Variants in PALM2AKAP2 observed in about 807,000 individuals in gnomAD.
PALM2AKAP2 encodes the protein PALM2 and AKAP2 fusion.
PALM2AKAP2 carries 37 observed loss-of-function variants against 71.5 expected under a neutral mutation model. The ratio of observed to expected loss-of-function variants is 0.52; its 90% confidence interval spans 0.40 to 0.68. The LOEUF (loss-of-function observed/expected upper bound fraction) is 0.68, where lower values mean the gene tolerates loss of function less well. Among genes scored for constraint, PALM2AKAP2 ranks in the 30% least tolerant of loss-of-function variants. The probability of loss-of-function intolerance (pLI) is 0.00; values close to 1 mark genes in which losing one functional copy is unlikely to be tolerated. For missense variants in PALM2AKAP2, 1,224 were observed against 1,191.8 expected (o/e 1.03, Z -0.40); for synonymous variants, 468 against 478.8 (o/e 0.98, Z 0.29).
chr9:110,024,816 G>A (rs1833145529), intron 7 of PALM2AKAP2: 2 of 671,244 alleles, frequency 3.0e-6, no homozygotes, highest in African/African-American at 1.9e-5. Flanking sequence ...CCAGTGTCTT[G>A]GGTTTTTTGT....
chr9:110,156,385 T>A lies in PALM2AKAP2; in HGVS notation c.2636T>A (p.Leu879Ter). ...GAAGGCCCCAGCTTGCAGCCTGACTTAGCCCCTGAAGAGGCTGCCGGAACC... is the reference window on the plus strand; with the variant it reads ...GAAGGCCCCAGCTTGCAGCCTGACTAAGCCCCTGAAGAGGCTGCCGGAACC... Residue 879 changes from leucine to a stop codon, truncating the protein, a stop_gained, in exon 3 of 4, where the codon TTA becomes TAA. Coordinates refer to ENST00000374525, the Ensembl canonical transcript of PALM2AKAP2. LOFTEE classifies it high-confidence loss of function. 6.2e-7 allele frequency: 1 copy of A among 1,612,344 alleles called. No individual in the cohort carries two copies. The highest frequency in any genetic ancestry group is 8.5e-7 in the Non-Finnish European group (1 of 1,179,136).
intron 6 of PALM2AKAP2, among the ~76,000 whole-genome samples, chr9:109,998,783 G>C (rs7020126): frequency 7.1e-6 from 1 of 141,384 alleles, no homozygotes; most frequent in African/African-American, 2.8e-5. Flanking sequence ...AAAAAAAAAA[G>C]GGGGGATAGT....
intron 7 of PALM2AKAP2, among the ~76,000 whole-genome samples, chr9:110,037,529 A>C (rs577244123): frequency 6.6e-6 from 1 of 152,326 alleles, no homozygotes; most frequent in South Asian, 2.1e-4. Context: ...TTTAATGAGC[A>C]CCTACTCTAT....
chr9:110,144,636 T>C (rs984070575), intron 2 of PALM2AKAP2, among the ~76,000 whole-genome samples: 5 of 152,206 alleles, frequency 3.3e-5, no homozygotes, highest in African/African-American at 1.2e-4. Flanking sequence ...TTAACACAAC[T>C]GGCAGGTTCT....
At chr9:109,945,630 C>T (rs73657312) in intron 6 of PALM2AKAP2, 1 of 152,294 alleles carries the variant, frequency 6.6e-6, no homozygotes, top group African/African-American at 2.4e-5. Flanking sequence ...GAAAGCTTAC[C>T]ATAGCTTATC....
chr9:109,731,775 G>T (rs976229644), intron 1 of PALM2AKAP2, among the ~76,000 whole-genome samples: 2 of 152,166 alleles, frequency 1.3e-5, no homozygotes, highest in African/African-American at 2.4e-5. Context: ...TCCTACACAT[G>T]TTCTCAGGTG....
chr9:109,971,874 G>A (rs1484155143), intron 6 of PALM2AKAP2, among the ~76,000 whole-genome samples: 1 of 152,144 alleles, frequency 6.6e-6, no homozygotes, highest in Non-Finnish European at 1.5e-5. Context: ...CCCTGAGCAA[G>A]CCATTCCTCC....
chr9:109,725,146 G>A (rs1159504708), intron 1 of PALM2AKAP2, among the ~76,000 whole-genome samples: 1 of 152,058 alleles, frequency 6.6e-6, no homozygotes, highest in East Asian at 1.9e-4. Context: ...AGAATGATAA[G>A]AATTAAAGGT....
chr9:109,938,623 G>A (rs1057487702), intron 6 of PALM2AKAP2, among the ~76,000 whole-genome samples: 1 of 152,142 alleles, frequency 6.6e-6, no homozygotes, highest in Non-Finnish European at 1.5e-5. Context: ...CATGTCACAT[G>A]TGGTTCAGTC....
At chr9:109,931,818 G>A in intron 5 of PALM2AKAP2, 109 bp from the exon 6 acceptor site, 1 of 1,220,188 alleles carries the variant, frequency 8.2e-7, no homozygotes. Flanking sequence ...CTGTTCAGTG[G>A]CCGCCTCAGC....
chr9:109,956,605 G>T (rs926636292), intron 6 of PALM2AKAP2, among the ~76,000 whole-genome samples: 1 of 152,180 alleles, frequency 6.6e-6, no homozygotes, highest in African/African-American at 2.4e-5. Context: ...ATAGCTCAGA[G>T]ACTCAGTGTG....
At chr9:109,995,707 A>G (rs978471935) in intron 6 of PALM2AKAP2, among the ~76,000 whole-genome samples, 1 of 152,168 alleles carries the variant, frequency 6.6e-6, no homozygotes, top group Non-Finnish European at 1.5e-5. Context: ...GTTACCTCCC[A>G]CCAGGTCCCT....
At chr9:109,820,434 A>G (rs1827965774) in intron 1 of PALM2AKAP2, among the ~76,000 whole-genome samples, 1 of 152,178 alleles carries the variant, frequency 6.6e-6, no homozygotes, top group African/African-American at 2.4e-5. Flanking sequence ...GTTTATTGCA[A>G]TGTTCTAGGG....
chr9:110,005,748 G>A (rs753723185), intron 6 of PALM2AKAP2, among the ~76,000 whole-genome samples: 5 of 152,312 alleles, frequency 3.3e-5, no homozygotes, highest in East Asian at 1.9e-4. Flanking sequence ...CCCCAGCCTC[G>A]CTGCCGCCTT....
At chr9:109,814,473 C>T (rs947593082) in intron 1 of PALM2AKAP2, among the ~76,000 whole-genome samples, 1 of 152,116 alleles carries the variant, frequency 6.6e-6, no homozygotes, top group Non-Finnish European at 1.5e-5. Context: ...GCAAAGATGC[C>T]ATATTTAGAC....
chr9:110,093,614 A>G (rs1211778582), intron 1 of PALM2AKAP2, among the ~76,000 whole-genome samples: 1 of 152,210 alleles, frequency 6.6e-6, no homozygotes, highest in Non-Finnish European at 1.5e-5. Context: ...GAGTGATTGC[A>G]TCTAGAATAA....
chr9:109,959,902 A>G (rs1831822436), intron 6 of PALM2AKAP2, among the ~76,000 whole-genome samples: 1 of 152,102 alleles, frequency 6.6e-6, no homozygotes, highest in African/African-American at 2.4e-5. Flanking sequence ...GTGAGCGTAC[A>G]AGCATCCATC....
chr9:110,056,837 T>C (rs191128395), intron 1 of PALM2AKAP2, among the ~76,000 whole-genome samples: 8 of 152,242 alleles, frequency 5.3e-5, no homozygotes, highest in Admixed American at 5.2e-4. Context: ...ACAATGTGTA[T>C]ATCATTTTAA....
intron 1 of PALM2AKAP2, among the ~76,000 whole-genome samples, chr9:109,690,604 G>A (rs192945717): frequency 6.6e-6 from 1 of 152,230 alleles, no homozygotes; most frequent in Non-Finnish European, 1.5e-5. Flanking sequence ...ATTGATCTTG[G>A]ATACACATTT....
Sources: gnomAD v4.1 joint callset for allele counts (sites outside exome capture counted in the v4.1 genomes callset) on GRCh38, gnomAD v4.1.1 for gene constraint, MANE v1.5 for transcripts, NCBI Gene and HGNC (gene_info 2026-07-23, HGNC 2026-07-21) for gene names.